Variants in FSIP1 observed in about 807,000 individuals in gnomAD.
The protein encoded by FSIP1 is fibrous sheath interacting protein 1.
Under a neutral mutation model 60.9 loss-of-function variants are expected in FSIP1, and 65 were observed. The observed-to-expected ratio is 1.07, with a 90% CI of 0.87 to 1.31. The LOEUF (loss-of-function observed/expected upper bound fraction) is 1.31. Ranked by LOEUF, FSIP1 falls within the 40% of genes most tolerant of loss-of-function variation. FSIP1 has a pLI of 0.00. For synonymous variants in FSIP1, 209 were observed against 221.2 expected (o/e 0.94, Z 0.49); for missense variants, 675 against 665.5 (o/e 1.01, Z -0.16).
Position 39,657,956 on chromosome 15 carries a change from T to C in FSIP1, c.1189-39711A>G, listed in dbSNP as rs140355689. 3.7e-3 allele frequency among the ~76,000 whole-genome samples: 571 copies of C among 152,300 alleles called. 4 individuals are homozygous for C. Among genetic ancestry groups the C allele is most frequent in the African/African-American group, 0.013 (546 of 41,572 alleles). On this transcript the variant is annotated intron_variant, in intron 10 of 11. Coordinates refer to ENST00000350221, the MANE Select transcript of FSIP1 (RefSeq NM_152597.5). ...TTGGGCCATTCCTTCGAGAACAGCATATATAGTAGGGCCTGTGATGGATGG... is the reference window on the plus strand; with the variant it reads ...TTGGGCCATTCCTTCGAGAACAGCACATATAGTAGGGCCTGTGATGGATGG...
chr15:39,697,792 T>A (rs554608647), intron 10 of FSIP1, among the ~76,000 whole-genome samples: 5 of 152,344 alleles, frequency 3.3e-5, no homozygotes, highest in African/African-American at 1.2e-4. Context: ...ATGGTTTCAA[T>A]AAATCTTTTA....
chr15:39,765,585 T>A lies in FSIP1; in HGVS notation c.465+7A>T. 6.4e-7 allele frequency: 1 copy of A among 1,569,784 alleles called. No homozygotes were observed. ...TACATGTCAGCATAAGGTTAGATAA[T>A]TCTTACCTTAATTTCTTCCCACAGC... On this transcript the variant is annotated splice_region_variant and intron_variant, in intron 4 of 11. Coordinates refer to ENST00000350221, the MANE Select transcript of FSIP1 (RefSeq NM_152597.5).
intron 11 of FSIP1, among the ~76,000 whole-genome samples, chr15:39,613,046 A>G (rs991302389): frequency 6.6e-6 from 1 of 152,116 alleles, no homozygotes; most frequent in African/African-American, 2.4e-5. Flanking sequence ...TATGAAGACA[A>G]TTTAAAATAC....
intron 11 of FSIP1, chr15:39,602,434 G>A (rs781361379): frequency 2.4e-5 from 11 of 451,722 alleles, no homozygotes; most frequent in Non-Finnish European, 4.9e-5. Context: ...TTCTGTCATG[G>A]TAAGTTGTTG....
At chr15:39,725,612 G>A (rs1896159173) in intron 9 of FSIP1, among the ~76,000 whole-genome samples, 1 of 152,184 alleles carries the variant, frequency 6.6e-6, no homozygotes, top group South Asian at 2.1e-4. Flanking sequence ...TACAATTGTA[G>A]AGAAAATGAT....
At chr15:39,692,766 A>AAGAG (rs1894654140) in intron 10 of FSIP1, among the ~76,000 whole-genome samples, 1 of 152,196 alleles carries the variant, frequency 6.6e-6, no homozygotes, top group African/African-American at 2.4e-5. Flanking sequence ...GAAAGAAAGA[A>AAGAG]AGAAAGAAAA....
At chr15:39,624,583 C>T (rs887478396) in intron 10 of FSIP1, among the ~76,000 whole-genome samples, 9 of 152,172 alleles carry the variant, frequency 5.9e-5, no homozygotes, top group South Asian at 2.1e-4. Flanking sequence ...GTATCAATGG[C>T]GCTAAGGATT....
In FSIP1 at chr15:39,641,697, C is replaced by T. The variant is rs557735885; in HGVS notation, c.1189-23452G>A. 3.9e-5 allele frequency among the ~76,000 whole-genome samples: 6 copies of T among 152,236 alleles called. No individual in the cohort carries two copies. The East Asian group carries it at 1.2e-3, about 29-fold the overall frequency. The stretch of plus-strand genomic sequence containing the variant: ...AGTCATAGCTTCAAGTCTCTGGTTG[C>T]CACTTTACCATTTACATGATTTAAG... On this transcript the variant is annotated intron_variant, in intron 10 of 11. Coordinates refer to ENST00000350221, the MANE Select transcript of FSIP1 (RefSeq NM_152597.5).
At chr15:39,734,469 T>C (rs1401275951) in intron 8 of FSIP1, among the ~76,000 whole-genome samples, 1 of 152,162 alleles carries the variant, frequency 6.6e-6, no homozygotes, top group African/African-American at 2.4e-5. Context: ...TGTAGTATTC[T>C]AGAACTAAAA....
intron 1 of FSIP1, among the ~76,000 whole-genome samples, chr15:39,778,668 T>C (rs1328259727): frequency 6.6e-6 from 1 of 152,200 alleles, no homozygotes; most frequent in Non-Finnish European, 1.5e-5. Flanking sequence ...TGAATGTTGA[T>C]TTAACCAAAT....
In FSIP1 at chr15:39,715,324, C is replaced by G. The variant is rs545561783; in HGVS notation, c.1051-1743G>C. Among the ~76,000 whole-genome samples the G allele has an allele frequency of 2.6e-4, 39 of 152,214 alleles. No individual in the cohort carries two copies. The South Asian group carries it at 7.3e-3, about 28-fold the overall frequency. On this transcript the variant is annotated intron_variant, in intron 9 of 11. Transcript: ENST00000350221. ...TATTTCCATAATATTCCCTGACATA[C>G]CCACAAAGGACAAATTATTCTCTCA...
chr15:39,774,222 C>G (rs542613900), intron 2 of FSIP1, among the ~76,000 whole-genome samples: 1 of 152,148 alleles, frequency 6.6e-6, no homozygotes, highest in Non-Finnish European at 1.5e-5. Context: ...GTGGCTCATG[C>G]CTGTAATCCC....
At chr15:39,757,574 CTTTT>C (rs1479981841) in intron 5 of FSIP1, among the ~76,000 whole-genome samples, 1 of 151,964 alleles carries the variant, frequency 6.6e-6, no homozygotes, top group Non-Finnish European at 1.5e-5. Flanking sequence ...ATGCTAACTA[CTTTT>C]TTGTTTTTAA....
chr15:39,709,418 G>A (rs1895407023), intron 10 of FSIP1, among the ~76,000 whole-genome samples: 1 of 152,212 alleles, frequency 6.6e-6, no homozygotes, highest in African/African-American at 2.4e-5. Context: ...CCTAAAAAGT[G>A]TTACTAAACT....
chr15:39,723,828 T>C (rs1172609415), intron 9 of FSIP1, among the ~76,000 whole-genome samples: 1 of 152,242 alleles, frequency 6.6e-6, no homozygotes, highest in Non-Finnish European at 1.5e-5. Context: ...ATACAGTGTA[T>C]TTATACAAAA....
At chr15:39,645,841 CCCAGGG>C (rs1241395257) in intron 10 of FSIP1, among the ~76,000 whole-genome samples, 7 of 152,214 alleles carry the variant, frequency 4.6e-5, no homozygotes, top group African/African-American at 1.4e-4. Context: ...GGGGCCGAGC[CCCAGGG>C]CCATGAACGG....
intron 10 of FSIP1, among the ~76,000 whole-genome samples, chr15:39,626,799 GTATTTT>G (rs1420460135): frequency 7.4e-6 from 1 of 134,570 alleles, no homozygotes; most frequent in East Asian, 2.5e-4. Context: ...AAATTACGTA[GTATTTT>G]TACAGCAGTG....
intron 10 of FSIP1, among the ~76,000 whole-genome samples, chr15:39,634,534 T>C (rs1224433002): frequency 6.6e-6 from 1 of 152,228 alleles, no homozygotes; most frequent in Non-Finnish European, 1.5e-5. Context: ...GAGCATATTA[T>C]ACATTTCATA....
chr15:39,597,701 CAT>C (rs1379232530), downstream of FSIP1: 4 of 152,228 alleles, frequency 2.6e-5, no homozygotes, highest in Admixed American at 1.3e-4. Flanking sequence ...ATATCAAAAA[CAT>C]ATAAAAGAGA....
Sources: gnomAD v4.1 joint callset for allele counts (sites outside exome capture counted in the v4.1 genomes callset) on GRCh38, gnomAD v4.1.1 for gene constraint, MANE v1.5 for transcripts, NCBI Gene and HGNC (gene_info 2026-07-23, HGNC 2026-07-21) for gene names.